The following SLC2A1 variants were observed in gnomAD, a reference collection of about 807,000 sequenced individuals.
SLC2A1 encodes solute carrier family 2, facilitated glucose transporter member 1.
In SLC2A1, 4 loss-of-function variants were observed where a neutral mutation model predicts 46.6. The ratio of observed to expected loss-of-function variants is 0.09; its 90% CI spans 0.04 to 0.20. The LOEUF (loss-of-function observed/expected upper bound fraction) is 0.20, where lower values mean the gene tolerates loss of function less well. Among genes scored for constraint, SLC2A1 ranks in the 10% least tolerant of loss-of-function variants. The pLI is 1.00. For missense variants in SLC2A1, 352 were observed against 667.0 expected, an observed-to-expected ratio of 0.53 and a Z score of 5.20; for synonymous variants, 253 against 270.0, an observed-to-expected ratio of 0.94 and a Z score of 0.62.
In SLC2A1 at chr1:42,930,463, G is replaced by A. The variant is rs1413970492; in HGVS notation, c.516+163C>T. 2 of 922,016 alleles carry A rather than the reference G, an allele frequency of 2.2e-6. No homozygotes were observed. The highest frequency in any genetic ancestry group is 1.6e-5 in the African/African-American group (1 of 60,968). The allele number at this position is 922,016 out of a possible 1,614,324, so 57.1% of individuals were successfully genotyped here. A position where few individuals can be genotyped will look rare whatever the true frequency, so the allele number is the denominator to read the frequency against. ...CAAGTCATCTTGCTGTCAACTGGGA[G>A]GCCATGGTGCTGTGTTCTCTGGACC... On this transcript the variant is annotated intron_variant, in intron 4 of 9. Coordinates refer to ENST00000426263, the MANE Select transcript of SLC2A1 (RefSeq NM_006516.4). This position sits in a 1 kb window ranked among gnomAD's most constrained non-coding sequence, Gnocchi z 6.2.
At chr1:42,958,146 G>T (rs1409542318) in intron 1 of SLC2A1, among the ~76,000 whole-genome samples, 1 of 152,128 alleles carries the variant, frequency 6.6e-6, no homozygotes, top group African/African-American at 2.4e-5. Context: ...GGCTAGGGGA[G>T]CAGACGGAGA....
intron 1 of SLC2A1, chr1:42,952,476 G>A (rs577228770): frequency 6.0e-5 from 27 of 448,708 alleles, no homozygotes; most frequent in Middle Eastern, 4.2e-4. Context: ...AGCCATGACC[G>A]CTGGGACACT....
In SLC2A1 at chr1:42,926,964, GTC is replaced by G; in HGVS notation, c.*75_*76del. The G allele has an allele frequency of 1.9e-6, 3 of 1,575,212 alleles. No homozygotes were observed. The highest frequency in any genetic ancestry group is 2.6e-6 in the Non-Finnish European group (3 of 1,159,238). ...CGGCTGACATCTGTCAGGTTTGGAA[GTC>G]TCATCCAGCTGCCTGTGCTCCTGAG... On this transcript the variant is annotated 3_prime_UTR_variant, in exon 10 of 10. Coordinates refer to ENST00000426263, the MANE Select transcript of SLC2A1 (RefSeq NM_006516.4).
intron 2 of SLC2A1, among the ~76,000 whole-genome samples, chr1:42,932,089 G>A (rs529889670): frequency 2.0e-5 from 3 of 152,304 alleles, no homozygotes; most frequent in Admixed American, 2.0e-4. Context: ...TCACGCTGTG[G>A]CTTTCTGTTC....
chr1:42,949,862 C>G (rs1056839260), intron 1 of SLC2A1, among the ~76,000 whole-genome samples: 9 of 152,172 alleles, frequency 5.9e-5, no homozygotes, highest in African/African-American at 2.2e-4. Flanking sequence ...GTCTCTGATG[C>G]CAAATTCTAT....
Position 42,926,736 on chromosome 1 carries a change from G to A in SLC2A1, c.*305C>T, listed in dbSNP as rs532032960. On this transcript the variant is annotated 3_prime_UTR_variant, in exon 10 of 10. Transcript: ENST00000426263. Reference sequence around the variant, plus strand: ...CCACCCTCAGGCATGGAACCATTCAGGGTGAAGCCTGGGATGTGGGCACAG... The same window carrying A: ...CCACCCTCAGGCATGGAACCATTCAAGGTGAAGCCTGGGATGTGGGCACAG... The A allele has an allele frequency of 2.2e-6, 3 of 1,389,618 alleles. No homozygotes were observed. The highest frequency in any genetic ancestry group is 1.9e-6 in the Non-Finnish European group (2 of 1,054,878). The allele number at this position is 1,389,618 out of a possible 1,614,324, so 86.1% of individuals were successfully genotyped here.
chr1:42,935,458 G>A (rs1643532912), intron 2 of SLC2A1, among the ~76,000 whole-genome samples: 1 of 152,230 alleles, frequency 6.6e-6, no homozygotes, highest in African/African-American at 2.4e-5. Context: ...AGAGGGGCAT[G>A]AGGCGGCGAA....
chr1:42,947,293 C>T (rs1190858935), intron 1 of SLC2A1, among the ~76,000 whole-genome samples: 4 of 152,174 alleles, frequency 2.6e-5, no homozygotes, highest in African/African-American at 9.7e-5. Context: ...AGCCCAGAGT[C>T]TGGGATCCCC....
intron 1 of SLC2A1, among the ~76,000 whole-genome samples, chr1:42,949,651 G>A (rs943200164): frequency 3.5e-4 from 54 of 152,340 alleles, no homozygotes; most frequent in African/African-American, 1.2e-3. Context: ...AAGTAGAACT[G>A]AGAGGAGGGG....
intron 2 of SLC2A1, among the ~76,000 whole-genome samples, chr1:42,937,782 G>A (rs1643556571): frequency 6.6e-6 from 1 of 152,214 alleles, no homozygotes; most frequent in South Asian, 2.1e-4. Flanking sequence ...GGGTGAAGGG[G>A]AGAGAGGACT....
In SLC2A1 at chr1:42,955,653, G is replaced by A. The variant is rs142077213; in HGVS notation, c.18+2981C>T. On this transcript the variant is annotated intron_variant, in intron 1 of 9. Coordinates refer to ENST00000426263, the MANE Select transcript of SLC2A1 (RefSeq NM_006516.4). ...TCTGCACCACAAAGGGGCTGAGAAA[G>A]CCTGCAGATTTCTGATTTTTCCTTT... Among the ~76,000 whole-genome samples, 6 of 152,286 alleles carry A rather than the reference G, an allele frequency of 3.9e-5. No individual in the cohort carries two copies. The East Asian group carries it at 9.6e-4, about 24-fold the overall frequency.
At chr1:42,931,001 G>C (rs1475471718) in intron 3 of SLC2A1, 45 bp downstream of exon 3, 8 of 1,612,802 alleles carry the variant, frequency 5.0e-6, no homozygotes, top group South Asian at 1.1e-5. Flanking sequence ...CTGGGCAGGA[G>C]GGCATGGGCC....
rs1570611469 is a variant in SLC2A1 at position 42,958,775 on chromosome 1, A to G, written c.-124T>C. On this transcript the variant is annotated 5_prime_UTR_variant, in exon 1 of 10. Transcript: ENST00000426263. ...GACTCCCACTGCGACTCTGACTCCG[A>G]CCCCCGTCGTTTGGTCTCCTGCTCC... is the stretch of plus-strand genomic sequence containing the variant. 3.8e-6 allele frequency: 4 copies of G among 1,039,396 alleles called. No individual in the cohort carries two copies. In the Admixed American group the frequency reaches 6.7e-5, roughly 17 times the overall value. The allele number at this position is 1,039,396 out of a possible 1,614,324, so 64.4% of individuals were successfully genotyped here. A position where few individuals can be genotyped will look rare whatever the true frequency, so the allele number is the denominator to read the frequency against.
Position 42,958,839 on chromosome 1 carries a change from C to T in SLC2A1, c.-188G>A, listed in dbSNP as rs866519648. The T allele has an allele frequency of 1.4e-5, 8 of 587,454 alleles. No individual in the cohort carries two copies. The Middle Eastern group carries it at 1.9e-3, about 141-fold the overall frequency. 36.4% of individuals were successfully genotyped at this position (587,454 alleles called of 1,614,324 possible). ...TCGGGGACCCGCGACTAGCGACCGG[C>T]ACGCTCGCTGTTGCTACCTCTTGCC... On this transcript the variant is annotated 5_prime_UTR_variant, in exon 1 of 10. Coordinates refer to ENST00000426263, the MANE Select transcript of SLC2A1 (RefSeq NM_006516.4).
chr1:42,935,318 G>A (rs1643531432), intron 2 of SLC2A1, among the ~76,000 whole-genome samples: 1 of 152,120 alleles, frequency 6.6e-6, no homozygotes, highest in Non-Finnish European at 1.5e-5. Flanking sequence ...GCTCTCCTGG[G>A]GTGAGGGGGA....
intron 1 of SLC2A1, chr1:42,952,308 TC>T (rs927362753): frequency 4.4e-6 from 2 of 454,794 alleles, no homozygotes; most frequent in Admixed American, 4.8e-5. Flanking sequence ...CAGCACTGTG[TC>T]CCCCACAGTG....
intron 1 of SLC2A1, among the ~76,000 whole-genome samples, chr1:42,958,152 G>C (rs1643798757): frequency 1.3e-5 from 2 of 152,192 alleles, no homozygotes; most frequent in African/African-American, 2.4e-5. Context: ...GGGAGCAGAC[G>C]GAGAGCGGGG....
chr1:42,940,449 A>G (rs1226718474), intron 2 of SLC2A1, among the ~76,000 whole-genome samples: 1 of 152,214 alleles, frequency 6.6e-6, no homozygotes, highest in Non-Finnish European at 1.5e-5. Context: ...GCCGTGGACA[A>G]ACCAGACAAA....
chr1:42,940,425 G>A (rs1643585734), intron 2 of SLC2A1, among the ~76,000 whole-genome samples: 1 of 152,188 alleles, frequency 6.6e-6, no homozygotes, highest in South Asian at 2.1e-4. Flanking sequence ...ACCGTTCTAG[G>A]CACTAAGGAC....
Sources: allele counts gnomAD v4.1 joint callset (sites outside exome capture counted in the v4.1 genomes callset), GRCh38; gene constraint gnomAD v4.1.1; non-coding constraint Gnocchi (gnomAD v3.1); transcripts MANE v1.5; gene names NCBI Gene and HGNC (gene_info 2026-07-23, HGNC 2026-07-21).